The following ADGRL3 variants were observed in gnomAD, a reference collection of about 807,000 sequenced individuals.
ADGRL3 encodes calcium-independent alpha-latrotoxin receptor 3.
ADGRL3 carries 62 observed loss-of-function variants against 153.5 expected under a neutral mutation model. The ratio of observed to expected loss-of-function variants is 0.40; its 90% CI spans 0.33 to 0.50. ADGRL3 has a LOEUF of 0.50. Ranked by LOEUF, ADGRL3 falls within the 20% of genes least tolerant of loss-of-function variation. ADGRL3 has a pLI of 0.47. For missense variants in ADGRL3, 1,641 were observed against 1,859.4 expected (o/e 0.88, Z 2.16); for synonymous variants, 710 against 672.5 (o/e 1.06, Z -0.86).
At chr4:61,359,541 G>T (rs2096250345) in intron 1 of ADGRL3, among the ~76,000 whole-genome samples, 1 of 152,050 alleles carries the variant, frequency 6.6e-6, no homozygotes, top group Admixed American at 6.6e-5. Context: ...TGTTTCCTCT[G>T]CCAGAAATGC....
intron 4 of ADGRL3, among the ~76,000 whole-genome samples, chr4:61,541,029 T>A (rs2098687512): frequency 6.6e-6 from 1 of 152,082 alleles, no homozygotes; most frequent in Non-Finnish European, 1.5e-5. Flanking sequence ...AGCCAGAGGC[T>A]TGGTAAGCAG....
intron 2 of ADGRL3, among the ~76,000 whole-genome samples, chr4:61,412,888 A>G (rs1467977380): frequency 1.3e-5 from 2 of 152,206 alleles, no homozygotes; most frequent in Admixed American, 1.3e-4. Context: ...TTGTCAGATA[A>G]TTTTAACATC....
At chr4:61,534,949 C>G (rs1036548844) in intron 4 of ADGRL3, among the ~76,000 whole-genome samples, 1 of 152,036 alleles carries the variant, frequency 6.6e-6, no homozygotes, top group Non-Finnish European at 1.5e-5. Flanking sequence ...TCTGATTGCT[C>G]AGGCTAGAAT....
intron 4 of ADGRL3, among the ~76,000 whole-genome samples, chr4:61,538,138 AAAAAT>A (rs1194980641): frequency 6.6e-5 from 10 of 152,174 alleles, no homozygotes; most frequent in African/African-American, 1.4e-4. Flanking sequence ...TGGGAAATAA[AAAAAT>A]AAAATAAAAT....
chr4:61,874,787 CTCTTTTTTTTTTTTTTTTTTTT>C (rs1188825849), intron 9 of ADGRL3, among the ~76,000 whole-genome samples: 1 of 88,592 alleles, frequency 1.1e-5, no homozygotes, highest in African/African-American at 4.1e-5. Context: ...CATCAAAATG[CTCTTTTTTTTTTTTTTTTTTTT>C]TTTTTTTTTT....
chr4:61,906,626 A>G (rs1282771442), intron 11 of ADGRL3, among the ~76,000 whole-genome samples: 1 of 152,190 alleles, frequency 6.6e-6, no homozygotes, highest in Non-Finnish European at 1.5e-5. Flanking sequence ...TTACTCTAAT[A>G]GGAGCAATAC....
intron 1 of ADGRL3, among the ~76,000 whole-genome samples, chr4:61,205,739 G>A (rs1736845119): frequency 6.6e-6 from 1 of 152,184 alleles, no homozygotes; most frequent in South Asian, 2.1e-4. Context: ...TTGTCGGGTA[G>A]GGTAGGGTGA....
intron 8 of ADGRL3, among the ~76,000 whole-genome samples, chr4:61,787,707 TC>T (rs2097294162): frequency 6.6e-6 from 1 of 152,040 alleles, no homozygotes; most frequent in South Asian, 2.1e-4. Context: ...AAATAGTTTT[TC>T]ATTATTAAAA....
At chr4:61,498,652 G>A (rs922385350) in intron 3 of ADGRL3, among the ~76,000 whole-genome samples, 2 of 152,024 alleles carry the variant, frequency 1.3e-5, no homozygotes, top group African/African-American at 4.8e-5. Flanking sequence ...ATACTTAATA[G>A]ACATGTATAC....
chr4:61,469,780 GAA>G (rs2097923628), intron 2 of ADGRL3, among the ~76,000 whole-genome samples: 1 of 151,990 alleles, frequency 6.6e-6, no homozygotes, highest in African/African-American at 2.4e-5. Flanking sequence ...AAGTAGTATA[GAA>G]ATTCATTTAG....
intron 2 of ADGRL3, among the ~76,000 whole-genome samples, chr4:61,436,674 T>C (rs2152443450): frequency 6.6e-6 from 1 of 152,222 alleles, no homozygotes; most frequent in Non-Finnish European, 1.5e-5. Context: ...TTCAAAGGCA[T>C]AGTGGTGTGA....
chr4:61,415,507 T>TATGATGTTTACC (rs1226502751), intron 2 of ADGRL3, among the ~76,000 whole-genome samples: 1 of 152,060 alleles, frequency 6.6e-6, no homozygotes, highest in Non-Finnish European at 1.5e-5. Flanking sequence ...ACAACAATGT[T>TATGATGTTTACC]ATGATCTTTA....
intron 4 of ADGRL3, among the ~76,000 whole-genome samples, chr4:61,572,790 A>T (rs2098844440): frequency 6.6e-6 from 1 of 151,954 alleles, no homozygotes; most frequent in Admixed American, 6.6e-5. Context: ...TGTCATGCAA[A>T]ATTAAGCACT....
At chr4:61,784,105 G>C (rs749611245) in intron 8 of ADGRL3, among the ~76,000 whole-genome samples, 29 of 152,024 alleles carry the variant, frequency 1.9e-4, no homozygotes, top group Non-Finnish European at 3.5e-4. Flanking sequence ...TTTGTCCTTG[G>C]CCCTCTCTTG....
At chr4:61,842,337 A>G (rs1174896417) in intron 9 of ADGRL3, among the ~76,000 whole-genome samples, 1 of 152,180 alleles carries the variant, frequency 6.6e-6, no homozygotes, top group Admixed American at 6.5e-5. Flanking sequence ...ATAGATAAGT[A>G]TATGATCAAG....
At chr4:61,867,201 T>G (rs1455148822) in intron 9 of ADGRL3, among the ~76,000 whole-genome samples, 4 of 151,944 alleles carry the variant, frequency 2.6e-5, no homozygotes, top group Non-Finnish European at 5.9e-5. Flanking sequence ...ACATAAGTGA[T>G]TTAAGATTGT....
At chr4:61,331,278 C>A (rs2095567172) in intron 1 of ADGRL3, among the ~76,000 whole-genome samples, 1 of 152,154 alleles carries the variant, frequency 6.6e-6, no homozygotes, top group African/African-American at 2.4e-5. Context: ...AGGTCATCAA[C>A]TTAATCATCA....
chr4:61,714,461 A>AAATG (rs1005076574), intron 6 of ADGRL3, among the ~76,000 whole-genome samples: 10 of 152,138 alleles, frequency 6.6e-5, no homozygotes, highest in Admixed American at 6.6e-4. Flanking sequence ...GGCCAAACTG[A>AAATG]AATGAACTAT....
intron 1 of ADGRL3, among the ~76,000 whole-genome samples, chr4:61,263,285 T>A (rs2092653956): frequency 6.6e-6 from 1 of 151,834 alleles, no homozygotes. Flanking sequence ...TTGAGTTTTG[T>A]GGTTAAAAAA....
Sources: allele counts gnomAD v4.1 joint callset (sites outside exome capture counted in the v4.1 genomes callset), GRCh38; gene constraint gnomAD v4.1.1; transcripts MANE v1.5; gene names NCBI Gene and HGNC (gene_info 2026-07-23, HGNC 2026-07-21).